The following TMTC2 variants were observed in gnomAD, a reference collection of about 807,000 sequenced individuals.
TMTC2 encodes the protein transmembrane O-mannosyltransferase targeting cadherins 2.
Under a neutral mutation model 82.4 loss-of-function variants are expected in TMTC2, and 43 were observed. The observed-to-expected ratio is 0.52, with a 90% confidence interval of 0.41 to 0.67. The LOEUF (loss-of-function observed/expected upper bound fraction) is 0.67. Ranked by LOEUF, TMTC2 falls within the 30% of genes least tolerant of loss-of-function variation. The pLI is 0.00. For synonymous variants in TMTC2, 408 were observed against 381.9 expected, an observed-to-expected ratio of 1.07 and a Z score of -0.80; for missense variants, 919 against 1,012.4, an observed-to-expected ratio of 0.91 and a Z score of 1.25.
intron 8 of TMTC2, among the ~76,000 whole-genome samples, chr12:83,018,360 C>G (rs772350316): frequency 6.6e-6 from 1 of 152,198 alleles, no homozygotes; most frequent in Non-Finnish European, 1.5e-5. Context: ...TCAGGCCTCC[C>G]GTTTGGGAGC....
chr12:82,960,723 G>A (rs2629035), intron 4 of TMTC2, among the ~76,000 whole-genome samples: 11,459 of 151,840 alleles, frequency 0.075, 516 homozygotes, highest in Middle Eastern at 0.11. Flanking sequence ...CAGTTGTACC[G>A]GAAACCACAG....
chr12:82,893,259 T>C (rs1431421676), intron 2 of TMTC2, among the ~76,000 whole-genome samples: 1 of 151,578 alleles, frequency 6.6e-6, no homozygotes, highest in African/African-American at 2.4e-5. Flanking sequence ...TAGTCCCAGC[T>C]ACTTGCAAAG....
At chr12:82,825,591 A>AT (rs1370316718) in intron 1 of TMTC2, among the ~76,000 whole-genome samples, 1 of 152,134 alleles carries the variant, frequency 6.6e-6, no homozygotes, top group Admixed American at 6.5e-5. Context: ...TACGTCTATT[A>AT]TTTCCACAAT....
chr12:82,913,813 T>C (rs1874841235), intron 3 of TMTC2, among the ~76,000 whole-genome samples: 1 of 152,188 alleles, frequency 6.6e-6, no homozygotes, highest in Non-Finnish European at 1.5e-5. Context: ...TCCCTTGATA[T>C]ATGTGGAGGA....
intron 5 of TMTC2, 22 bp downstream of exon 5, chr12:82,965,131 A>T (rs1358539039): frequency 2.0e-6 from 3 of 1,528,214 alleles, no homozygotes; most frequent in African/African-American, 2.8e-5. Context: ...TCAAGTGTTT[A>T]TTTTTTTATA....
intron 1 of TMTC2, among the ~76,000 whole-genome samples, chr12:82,742,875 A>T (rs968580281): frequency 6.6e-6 from 1 of 151,938 alleles, no homozygotes; most frequent in African/African-American, 2.4e-5. Context: ...TATTAACACC[A>T]CTTCACCATT....
rs998766917 is a variant in TMTC2, at chr12:83,100,997, A to C, written c.2332-31213A>C. Among the ~76,000 whole-genome samples the C allele has an allele frequency of 2.6e-5, 4 of 152,204 alleles. No individual in the cohort carries two copies. In the East Asian group the frequency reaches 5.8e-4, roughly 22 times the overall value. ...ATGTTTTATGGTCTTTGTTTTCCTC[A>C]TATTTCAGCAGCTAGCTATAAACAA... is the stretch of plus-strand genomic sequence containing the variant. On this transcript the variant is annotated intron_variant, in intron 11 of 11. Transcript: ENST00000321196.
chr12:82,880,199 G>A (rs1428890257), intron 2 of TMTC2, among the ~76,000 whole-genome samples: 3 of 152,126 alleles, frequency 2.0e-5, no homozygotes, highest in Admixed American at 6.5e-5. Flanking sequence ...TTTCATTTAG[G>A]AGTTATTACA....
At chr12:82,716,454 C>A (rs1339979943) in intron 1 of TMTC2, among the ~76,000 whole-genome samples, 5 of 151,148 alleles carry the variant, frequency 3.3e-5, no homozygotes, top group African/African-American at 1.2e-4. Context: ...AGCTCCGCCT[C>A]CCGGGTTCAC....
chr12:82,935,039 A>G (rs1264777407), intron 4 of TMTC2, among the ~76,000 whole-genome samples: 1 of 152,192 alleles, frequency 6.6e-6, no homozygotes, highest in Non-Finnish European at 1.5e-5. Flanking sequence ...ATGTAGAAAT[A>G]AAATATTTAG....
intron 1 of TMTC2, among the ~76,000 whole-genome samples, chr12:82,725,978 T>C (rs1874427637): frequency 6.6e-6 from 1 of 152,102 alleles, no homozygotes; most frequent in Non-Finnish European, 1.5e-5. Context: ...CTCTTCAAGA[T>C]TGGGAGGGCT....
At chr12:82,764,969 G>T (rs1876863606) in intron 1 of TMTC2, among the ~76,000 whole-genome samples, 1 of 149,958 alleles carries the variant, frequency 6.7e-6, no homozygotes, top group South Asian at 2.1e-4. Flanking sequence ...TTTGTGTCTG[G>T]TGGGCGGGGG....
At chr12:83,035,223 A>AT (rs1417749626) in intron 9 of TMTC2, among the ~76,000 whole-genome samples, 2 of 152,188 alleles carry the variant, frequency 1.3e-5, no homozygotes, top group Admixed American at 1.3e-4. Context: ...TTAGAAGGCA[A>AT]TATTTTAAAA....
At chr12:82,773,650 G>C (rs1178328771) in intron 1 of TMTC2, among the ~76,000 whole-genome samples, 1 of 151,712 alleles carries the variant, frequency 6.6e-6, no homozygotes, top group Admixed American at 6.6e-5. Flanking sequence ...TAGTAGAGAC[G>C]GGGTTTCACC....
At chr12:82,939,927 T>C (rs1186078232) in intron 4 of TMTC2, among the ~76,000 whole-genome samples, 2 of 151,966 alleles carry the variant, frequency 1.3e-5, no homozygotes, top group East Asian at 3.8e-4. Flanking sequence ...GGTTTTGCAG[T>C]GATTGTATAT....
At chr12:83,027,849 A>G (rs1026173671) in intron 8 of TMTC2, among the ~76,000 whole-genome samples, 1 of 152,156 alleles carries the variant, frequency 6.6e-6, no homozygotes, top group Non-Finnish European at 1.5e-5. Flanking sequence ...TTAAAATTTC[A>G]TAATATTGTT....
At chr12:82,914,814 C>T (rs1315628674) in intron 3 of TMTC2, among the ~76,000 whole-genome samples, 1 of 140,332 alleles carries the variant, frequency 7.1e-6, no homozygotes, top group Admixed American at 7.1e-5. Context: ...TTACAACTCA[C>T]TTATTTTTTT....
intron 8 of TMTC2, among the ~76,000 whole-genome samples, chr12:83,005,225 G>C (rs3993366): frequency 3.8e-5 from 1 of 26,404 alleles, no homozygotes; most frequent in South Asian, 4.8e-3. Context: ...AAAAAAAAAA[G>C]GGGAGAGAGA....
rs1403894920 is a variant in TMTC2 at position 83,045,974 on chromosome 12, CA to C, written c.2153-4926del. The stretch of plus-strand genomic sequence containing the variant: ...TATGCCAGCCTATAAAACCCCAAGT[CA>C]AAAGGTCAAGCCTCACACTTGCCTT... On this transcript the variant is annotated intron_variant, in intron 9 of 11. Transcript: ENST00000321196. Among the ~76,000 whole-genome samples, 10 of 152,230 alleles carry C rather than the reference CA, an allele frequency of 6.6e-5. No homozygotes were observed. The East Asian group carries it at 1.9e-3, about 29-fold the overall frequency.
Sources: allele counts gnomAD v4.1 joint callset (sites outside exome capture counted in the v4.1 genomes callset), GRCh38; gene constraint gnomAD v4.1.1; transcripts MANE v1.5; gene names NCBI Gene and HGNC (gene_info 2026-07-23, HGNC 2026-07-21).